Variants in WWOX observed in about 807,000 individuals in gnomAD.
WWOX encodes the protein WW domain containing oxidoreductase, also known as WW domain-containing oxidoreductase.
Under a neutral mutation model 46.2 loss-of-function variants are expected in WWOX, and 69 were observed. The observed-to-expected ratio is 1.49, with a 90% confidence interval of 1.23 to 1.82. The LOEUF (loss-of-function observed/expected upper bound fraction) is 1.82, where lower values mean the gene tolerates loss of function less well. Ranked by LOEUF, WWOX falls within the 40% of genes most tolerant of loss-of-function variation. WWOX has a pLI of 0.00. For missense variants in WWOX, 919 were observed against 542.6 expected (o/e 1.69, Z -6.89); for synonymous variants, 359 against 202.6 (o/e 1.77, Z -6.56).
intron 8 of WWOX, among the ~76,000 whole-genome samples, chr16:79,109,699 G>C (rs1198571410): frequency 6.6e-6 from 1 of 152,080 alleles, no homozygotes; most frequent in Non-Finnish European, 1.5e-5. Flanking sequence ...TCTAAATTAT[G>C]ATATTCATAG....
At chr16:78,652,117 A>G (rs2046978147) in intron 8 of WWOX, among the ~76,000 whole-genome samples, 1 of 152,022 alleles carries the variant, frequency 6.6e-6, no homozygotes, top group Non-Finnish European at 1.5e-5. Flanking sequence ...CTGGTCACTT[A>G]AAAGATGTTT....
chr16:78,495,351 G>T (rs2084890108), intron 8 of WWOX, among the ~76,000 whole-genome samples: 2 of 152,048 alleles, frequency 1.3e-5, no homozygotes, highest in South Asian at 4.2e-4. Flanking sequence ...ATGTTAGCCA[G>T]GCTGGTCTCG....
intron 5 of WWOX, among the ~76,000 whole-genome samples, chr16:78,373,770 T>C (rs190999013): frequency 7.2e-4 from 109 of 152,336 alleles, no homozygotes; most frequent in Non-Finnish European, 1.3e-3. Context: ...GTTTTTCTTA[T>C]TTTTAAACTT....
At chr16:78,893,420 A>G (rs753297553) in intron 8 of WWOX, among the ~76,000 whole-genome samples, 3 of 151,890 alleles carry the variant, frequency 2.0e-5, no homozygotes, top group Non-Finnish European at 4.4e-5. Flanking sequence ...AATAGTTTGG[A>G]TTGACTTCTC....
At chr16:78,618,058 A>C (rs1438167788) in intron 8 of WWOX, among the ~76,000 whole-genome samples, 1 of 152,206 alleles carries the variant, frequency 6.6e-6, no homozygotes, top group Non-Finnish European at 1.5e-5. Flanking sequence ...GTGTTCTTGA[A>C]TTAAATTTTC....
At chr16:78,766,610 A>G (rs1198943287) in intron 8 of WWOX, among the ~76,000 whole-genome samples, 3 of 152,190 alleles carry the variant, frequency 2.0e-5, no homozygotes, top group African/African-American at 7.2e-5. Context: ...AAAGAAAAAC[A>G]TGCTCAGAGG....
chr16:78,456,392 T>G (rs1284158602), intron 8 of WWOX, among the ~76,000 whole-genome samples: 2 of 151,574 alleles, frequency 1.3e-5, no homozygotes, highest in Non-Finnish European at 2.9e-5. Flanking sequence ...TTAAAAAAAA[T>G]TTAATTTTGT....
At chr16:78,604,235 C>G (rs188022360) in intron 8 of WWOX, among the ~76,000 whole-genome samples, 1 of 152,240 alleles carries the variant, frequency 6.6e-6, no homozygotes, top group Non-Finnish European at 1.5e-5. Flanking sequence ...TACATGTACT[C>G]CAAATGTAAC....
intron 8 of WWOX, among the ~76,000 whole-genome samples, chr16:78,807,458 C>A (rs190238047): frequency 6.6e-6 from 1 of 152,154 alleles, no homozygotes; most frequent in Non-Finnish European, 1.5e-5. Context: ...AATCATGAGG[C>A]CATGTAAAAA....
intron 5 of WWOX, among the ~76,000 whole-genome samples, chr16:78,368,972 C>G (rs1459371401): frequency 6.6e-6 from 1 of 152,144 alleles, no homozygotes; most frequent in East Asian, 1.9e-4. Context: ...CTGCCTTTCT[C>G]TGCATTTCTC....
In WWOX at chr16:78,295,418, A is replaced by G. The variant is rs185088063; in HGVS notation, c.517-91442A>G. Among the ~76,000 whole-genome samples, 14 of 152,270 alleles carry G rather than the reference A, an allele frequency of 9.2e-5. No homozygotes were observed. The East Asian group carries it at 2.5e-3, about 27-fold the overall frequency. On this transcript the variant is annotated intron_variant, in intron 5 of 8. Transcript: ENST00000566780. ...GGCTGTTTACATTATCAGAATAAGAATGGTTCTCCAAGGCCAGGTGTGGTG... is the reference window on the plus strand; with the variant it reads ...GGCTGTTTACATTATCAGAATAAGAGTGGTTCTCCAAGGCCAGGTGTGGTG...
intron 8 of WWOX, among the ~76,000 whole-genome samples, chr16:78,845,113 C>G (rs566772147): frequency 9.0e-6 from 1 of 111,296 alleles, no homozygotes; most frequent in African/African-American, 3.6e-5. Flanking sequence ...TGCATTCATG[C>G]ACTTTTTTTA....
intron 8 of WWOX, among the ~76,000 whole-genome samples, chr16:78,505,820 A>C (rs957949913): frequency 1.1e-5 from 1 of 92,652 alleles, no homozygotes; most frequent in Non-Finnish European, 2.6e-5. Flanking sequence ...AATTACCCAG[A>C]TGATCTGATT....
intron 8 of WWOX, among the ~76,000 whole-genome samples, chr16:78,440,685 C>T (rs758589030): frequency 2.6e-5 from 4 of 151,730 alleles, no homozygotes; most frequent in Non-Finnish European, 5.9e-5. Context: ...GGCACAATCC[C>T]GGCTCACTGC....
chr16:78,710,882 G>C (rs1237739772), intron 8 of WWOX, among the ~76,000 whole-genome samples: 1 of 152,090 alleles, frequency 6.6e-6, no homozygotes, highest in Non-Finnish European at 1.5e-5. Flanking sequence ...CTCCCAAAGT[G>C]CTGGGATTAC....
intron 8 of WWOX, among the ~76,000 whole-genome samples, chr16:78,740,398 A>G (rs562407397): frequency 6.6e-6 from 1 of 152,282 alleles, no homozygotes; most frequent in East Asian, 1.9e-4. Context: ...GGCTCTGCTA[A>G]TAGGGTTGGC....
chr16:78,803,245 T>G (rs2050943108), intron 8 of WWOX, among the ~76,000 whole-genome samples: 1 of 151,828 alleles, frequency 6.6e-6, no homozygotes, highest in Non-Finnish European at 1.5e-5. Context: ...AGTGAGAGTT[T>G]TTTTTTTTTT....
chr16:79,091,184 C>G (rs2048952452), intron 8 of WWOX, among the ~76,000 whole-genome samples: 1 of 152,180 alleles, frequency 6.6e-6, no homozygotes, highest in Admixed American at 6.5e-5. Flanking sequence ...CATCCTTCCC[C>G]CAGACTTTTT....
chr16:78,382,948 T>G (rs72796076), intron 5 of WWOX, among the ~76,000 whole-genome samples: 10,066 of 151,722 alleles, frequency 0.066, 359 homozygotes, highest in East Asian at 0.12. Context: ...TGCTTCTGGA[T>G]AGGCCTTAGG....
Sources: gnomAD v4.1 joint callset for allele counts (sites outside exome capture counted in the v4.1 genomes callset) on GRCh38, gnomAD v4.1.1 for gene constraint, MANE v1.5 for transcripts, NCBI Gene and HGNC (gene_info 2026-07-23, HGNC 2026-07-21) for gene names.